The following SPANXN1 variants were observed in gnomAD, a reference collection of about 807,000 sequenced individuals.
SPANXN1 encodes the protein SPANX family member N1.
A neutral mutation model predicts 2.0 loss-of-function variants in SPANXN1; 1 was observed. The ratio of observed to expected loss-of-function variants is 0.50; its 90% confidence interval spans 0.18 to 2.36. The LOEUF is 2.36. Among genes scored for constraint, SPANXN1 ranks in the 30% most tolerant of loss-of-function variants. The probability of loss-of-function intolerance (pLI) is 0.26; values close to 1 mark genes in which losing one functional copy is unlikely to be tolerated. For synonymous variants in SPANXN1, 27 were observed against 21.3 expected, an observed-to-expected ratio of 1.27 and a Z score of -0.74; for missense variants, 55 against 51.8, an observed-to-expected ratio of 1.06 and a Z score of -0.19.
intron 1 of SPANXN1, among the ~76,000 whole-genome samples, chrX:145,251,044 C>T (rs1401966938): frequency 8.9e-6 from 1 of 112,022 alleles, no homozygotes; most frequent in Non-Finnish European, 1.9e-5. Flanking sequence ...TGAGAGGCAG[C>T]ATGGGGTGGG....
intron 1 of SPANXN1, among the ~76,000 whole-genome samples, chrX:145,249,704 A>G (rs1356468455): frequency 1.1e-4 from 12 of 110,731 alleles, no homozygotes; most frequent in Non-Finnish European, 1.3e-4. Context: ...GGGAGTAGTT[A>G]GCATCACCTG....
Position 145,255,851 on chromosome X carries a change from G to T in SPANXN1, c.*37G>T. On this transcript the variant is annotated 3_prime_UTR_variant, in exon 2 of 2. Coordinates refer to ENST00000370493, the MANE Select transcript of SPANXN1 (RefSeq NM_001009614.3). ...CAATCCAGTCCAAGAGGAGGAGGAC[G>T]AAGGCCTAGACTCAGCTGAAGGATC... 1 of 1,212,063 alleles carries T rather than the reference G, an allele frequency of 8.3e-7. No individual in the cohort carries two copies. The highest frequency in any genetic ancestry group is 1.1e-6 in the Non-Finnish European group (1 of 895,468).
chrX:145,249,519 G>A (rs782649782), intron 1 of SPANXN1, among the ~76,000 whole-genome samples: 1 of 111,573 alleles, frequency 9.0e-6, no homozygotes, highest in South Asian at 3.8e-4. Flanking sequence ...GAGTGTTATG[G>A]GCTAGGGTGT....
At chrX:145,249,256 C>A (rs1169981506) in intron 1 of SPANXN1, among the ~76,000 whole-genome samples, 1 of 104,822 alleles carries the variant, frequency 9.5e-6, no homozygotes, top group Non-Finnish European at 1.9e-5. Flanking sequence ...ATTTAATGGG[C>A]AATGTGTGAG....
At position 145,255,889 on chromosome X, in the gene SPANXN1, T is replaced by G. The variant is rs1257978008; in HGVS notation, c.*75T>G. 18 of 1,206,407 alleles carry G rather than the reference T, an allele frequency of 1.5e-5. No homozygotes were observed. In the African/African-American group the frequency reaches 2.8e-4, roughly 19 times the overall value. ...CAGCTGAAGGATCTTCAAAGCAGGA[T>G]GAAGACCTAGACTTACCTGAAGGCC... is the stretch of plus-strand genomic sequence containing the variant. On this transcript the variant is annotated 3_prime_UTR_variant, in exon 2 of 2. Coordinates refer to ENST00000370493, the MANE Select transcript of SPANXN1 (RefSeq NM_001009614.3).
In SPANXN1 at chrX:145,256,069, C is replaced by T. The variant is rs1383280232; in HGVS notation, c.*255C>T. The T allele has an allele frequency of 5.2e-5, 27 of 518,748 alleles. No homozygotes were observed. The highest frequency in any genetic ancestry group is 7.2e-5 in the Non-Finnish European group (22 of 303,588). The allele number at this position is 518,748 out of a possible 1,213,427, so 42.8% of individuals were successfully genotyped here. A position where few individuals can be genotyped will look rare whatever the true frequency, so the allele number is the denominator to read the frequency against. On this transcript the variant is annotated 3_prime_UTR_variant, in exon 2 of 2. Coordinates refer to ENST00000370493, the MANE Select transcript of SPANXN1 (RefSeq NM_001009614.3). ...AAGGATCTTCACAGGAGGATAAAGA[C>T]GTAGAATTACCTGAAGGATCTTCAC...
At position 145,247,516 on chromosome X, in the gene SPANXN1, G is replaced by A; in HGVS notation, c.-71G>A. 1 of 1,072,589 alleles carries A rather than the reference G, an allele frequency of 9.3e-7. No homozygotes were observed. 88.4% of individuals were successfully genotyped at this position (1,072,589 alleles called of 1,213,427 possible). A position where few individuals can be genotyped will look rare whatever the true frequency, so the allele number is the denominator to read the frequency against. On this transcript the variant is annotated 5_prime_UTR_variant, in exon 1 of 2. Coordinates refer to ENST00000370493, the MANE Select transcript of SPANXN1 (RefSeq NM_001009614.3). ...GAGCTCTGGGACATCCTCCTGGGAA[G>A]CTTCAATACAGCTGTGCAAGTCTGG...
intron 1 of SPANXN1, among the ~76,000 whole-genome samples, chrX:145,250,795 G>A (rs782593973): frequency 1.8e-5 from 2 of 111,583 alleles, no homozygotes; most frequent in East Asian, 2.8e-4. Flanking sequence ...GTAACCTTTC[G>A]GTGTCCCTTG....
Position 145,247,513 on chromosome X carries a change from G to C in SPANXN1, c.-74G>C, listed in dbSNP as rs370974670. The C allele has an allele frequency of 4.3e-5, 46 of 1,061,182 alleles. No homozygotes were observed. In the East Asian group the frequency reaches 4.6e-4, roughly 11 times the overall value. 87.5% of individuals were successfully genotyped at this position (1,061,182 alleles called of 1,213,427 possible). ...CAAGAGCTCTGGGACATCCTCCTGG[G>C]AAGCTTCAATACAGCTGTGCAAGTC... On this transcript the variant is annotated 5_prime_UTR_variant, in exon 1 of 2. Transcript: ENST00000370493.
chrX:145,255,551 C>T, intron 1 of SPANXN1, 120 bp from the exon 2 acceptor site: 1 of 1,051,145 alleles, frequency 9.5e-7, no homozygotes, highest in Admixed American at 2.4e-5. Flanking sequence ...CCTTGTTCTT[C>T]TCTGGCACAC....
rs1556883073 is a variant in SPANXN1, at chrX:145,255,729, C to T, written c.134C>T (p.Thr45Met). ...GAACCGAGTTTGAAAAAGATGAAAACGTCAGAATATTCAACAGTATTAGCG... is the reference window on the plus strand; with the variant it reads ...GAACCGAGTTTGAAAAAGATGAAAATGTCAGAATATTCAACAGTATTAGCG... ...APEPSLKKMK[T>M]SEYSTVLAFC... The change falls in exon 2 of 2, where the codon ACG (threonine) becomes ATG (methionine). Residue 45 changes from threonine to methionine, a missense_variant. Transcript: ENST00000370493. 1.1e-5 allele frequency: 13 copies of T among 1,210,512 alleles called. No individual in the cohort carries two copies. Among genetic ancestry groups the T allele is most frequent in the South Asian group, 1.8e-5 (1 of 56,860 alleles).
At chrX:145,250,595 A>G (rs1386192273) in intron 1 of SPANXN1, among the ~76,000 whole-genome samples, 1 of 112,088 alleles carries the variant, frequency 8.9e-6, no homozygotes, top group Admixed American at 9.4e-5. Flanking sequence ...TTAAACTTGG[A>G]CAAGACACTT....
At chrX:145,251,707 T>A (rs1319833957) in intron 1 of SPANXN1, among the ~76,000 whole-genome samples, 1 of 111,408 alleles carries the variant, frequency 9.0e-6, no homozygotes, top group Non-Finnish European at 1.9e-5. Context: ...GGTTTTTTGT[T>A]TTGTTTTGTT....
chrX:145,254,381 G>A (rs1456497047), intron 1 of SPANXN1, among the ~76,000 whole-genome samples: 1 of 112,106 alleles, frequency 8.9e-6, no homozygotes, highest in Non-Finnish European at 1.9e-5. Flanking sequence ...TGGAAGAGGG[G>A]AGTGAATACT....
chrX:145,248,862 A>T (rs2070773163), intron 1 of SPANXN1, among the ~76,000 whole-genome samples: 1 of 111,626 alleles, frequency 9.0e-6, no homozygotes, highest in Admixed American at 9.5e-5. Context: ...TACAGGTTGC[A>T]GTTGAGGGAA....
At chrX:145,254,768 A>G (rs1275880351) in intron 1 of SPANXN1, among the ~76,000 whole-genome samples, 1 of 111,898 alleles carries the variant, frequency 8.9e-6, no homozygotes, top group Non-Finnish European at 1.9e-5. Context: ...TATGATGTCC[A>G]GAAATGGGGG....
At chrX:145,249,293 A>C (rs1176570159) in intron 1 of SPANXN1, among the ~76,000 whole-genome samples, 1 of 104,068 alleles carries the variant, frequency 9.6e-6, no homozygotes, top group Non-Finnish European at 1.9e-5. Flanking sequence ...CAACTGCTAG[A>C]GGTTGGGGGT....
intron 1 of SPANXN1, 105 bp downstream of exon 1, chrX:145,247,766 T>A: frequency 1.1e-6 from 1 of 943,010 alleles, no homozygotes; most frequent in Non-Finnish European, 1.5e-6. Context: ...CCTGTGGAAG[T>A]GGGAGACCCG....
In SPANXN1 at chrX:145,255,812, T is replaced by A. The variant is rs1569480340; in HGVS notation, c.217T>A (p.Ter73ArgextTer?). 8.3e-7 allele frequency: 1 copy of A among 1,210,719 alleles called. No individual in the cohort carries two copies. The highest frequency in any genetic ancestry group is 3.0e-5 in the East Asian group (1 of 33,773). ...HSNQLENDQS[*>R] is the part of the protein sequence containing the mutation. ...AAATCAACTGGAGAATGACCAGTCC[T>A]GAGAGAACTCCATCAATCCAGTCCA... Residue 73 changes from the stop codon to arginine (R), a stop_lost, in exon 2 of 2, where the codon TGA becomes AGA. Transcript: ENST00000370493.
Sources: gnomAD v4.1 joint callset for allele counts (sites outside exome capture counted in the v4.1 genomes callset) on GRCh38, gnomAD v4.1.1 for gene constraint, MANE v1.5 for transcripts, NCBI Gene and HGNC (gene_info 2026-07-23, HGNC 2026-07-21) for gene names.